SMYD2: variants seen among roughly 807,000 people sequenced by gnomAD.
SMYD2 encodes SET and MYND domain containing 2.
A neutral mutation model predicts 59.1 loss-of-function variants in SMYD2; 53 were observed. The observed-to-expected ratio is 0.90, with a 90% CI of 0.72 to 1.13. SMYD2 has a LOEUF of 1.13. SMYD2 is among the 50% of genes most tolerant of loss of function. The probability of loss-of-function intolerance (pLI) is 0.00; values close to 1 mark genes in which losing one functional copy is unlikely to be tolerated. For synonymous variants in SMYD2, 208 were observed against 198.8 expected, an observed-to-expected ratio of 1.05 and a Z score of -0.39; for missense variants, 494 against 544.7, an observed-to-expected ratio of 0.91 and a Z score of 0.93.
chr1:214,281,307 G>T lies in SMYD2; in HGVS notation c.53G>T (p.Gly18Val). 1 of 1,397,328 alleles carries T rather than the reference G, an allele frequency of 7.2e-7. No homozygotes were observed. Among genetic ancestry groups the T allele is most frequent in the Non-Finnish European group, 9.4e-7 (1 of 1,065,774 alleles). 86.6% of individuals were successfully genotyped at this position (1,397,328 alleles called of 1,614,324 possible). The change falls in exon 1 of 12, where the codon GGC (glycine) becomes GTC (valine). Residue 18 changes from glycine (G) to valine (V), a missense_variant. By Grantham distance (109) the Gly-to-Val change is moderately radical. Transcript: ENST00000366957. ...GAGCGCTTCTGCAGCCCGGGCAAAG[G>T]CCGGGGGCTGCGGGCTCTGCAGCCC... is the stretch of plus-strand genomic sequence containing the variant. Reference protein sequence around the residue: ...GLERFCSPGKGRGLRALQPFQ... With the variant: ...GLERFCSPGKVRGLRALQPFQ...
chr1:214,308,315 C>T (rs1318492601), intron 2 of SMYD2, among the ~76,000 whole-genome samples: 1 of 152,116 alleles, frequency 6.6e-6, no homozygotes, highest in East Asian at 1.9e-4. Context: ...GGTTTTTCAT[C>T]CTTTAGTACT....
intron 1 of SMYD2, among the ~76,000 whole-genome samples, chr1:214,297,884 T>G (rs910786868): frequency 6.6e-6 from 1 of 152,020 alleles, no homozygotes; most frequent in African/African-American, 2.4e-5. Context: ...AAATTCACAC[T>G]GCTGAAAGAA....
chr1:214,324,534 C>T (rs563069104), intron 5 of SMYD2, 107 bp from the exon 6 acceptor site: 1 of 1,009,860 alleles, frequency 9.9e-7, no homozygotes, highest in South Asian at 1.5e-5. Context: ...AACCACTACA[C>T]CAAAACATCT....
intron 7 of SMYD2, among the ~76,000 whole-genome samples, chr1:214,328,275 C>T (rs918861780): frequency 3.3e-5 from 5 of 152,198 alleles, no homozygotes; most frequent in Non-Finnish European, 7.3e-5. Flanking sequence ...ATCTGAACTT[C>T]AGGTCGCAGT....
chr1:214,308,918 CAG>C (rs992607441), intron 2 of SMYD2, among the ~76,000 whole-genome samples: 31 of 152,246 alleles, frequency 2.0e-4, no homozygotes, highest in African/African-American at 7.5e-4. Flanking sequence ...GTGGGAATGT[CAG>C]AGAAAGAGAA....
Position 214,312,870 on chromosome 1 carries a change from A to T in SMYD2, c.238-1892A>T, listed in dbSNP as rs1657019788. On this transcript the variant is annotated intron_variant, in intron 2 of 11. Coordinates refer to ENST00000366957, the MANE Select transcript of SMYD2 (RefSeq NM_020197.3). The surrounding 1 kb of genome is among the most constrained non-coding windows in gnomAD (Gnocchi z 4.1). The stretch of plus-strand genomic sequence containing the variant: ...GGACTGGCCTGATCCGAGTTTTGTC[A>T]ACAGAATCCCTCAGGCTGCTCTCTG... Among the ~76,000 whole-genome samples the T allele has an allele frequency of 6.6e-6, 1 of 152,202 alleles. No individual in the cohort carries two copies. Among genetic ancestry groups the T allele is most frequent in the Non-Finnish European group, 1.5e-5 (1 of 68,036 alleles).
In SMYD2 at chr1:214,336,764, C is replaced by G. The variant is rs759264764; in HGVS notation, c.1282C>G (p.Gln428Glu). The change falls in exon 12 of 12, where the codon CAG (glutamine) becomes GAG (glutamate). Residue 428 changes from glutamine to glutamate, a missense_variant. By Grantham distance (29) the Gln-to-Glu change is conservative. Transcript: ENST00000366957. ...KDHPYISEIKQEIESH is the reference protein window; with the variant it reads ...KDHPYISEIKEEIESH ...TCATCCATATATTTCTGAGATCAAA[C>G]AGGAAATTGAAAGCCACTGAAACTA... 1 of 1,613,500 alleles carries G rather than the reference C, an allele frequency of 6.2e-7. No homozygotes were observed. The highest frequency in any genetic ancestry group is 1.1e-5 in the South Asian group (1 of 90,980).
chr1:214,318,000 A>T, intron 3 of SMYD2, 79 bp from the exon 4 acceptor site: 3 of 1,245,344 alleles, frequency 2.4e-6, no homozygotes, highest in Admixed American at 3.6e-5. Flanking sequence ...CTTTATGTTG[A>T]TGTAAAAGTG....
intron 5 of SMYD2, among the ~76,000 whole-genome samples, chr1:214,319,386 C>G (rs1253368034): frequency 6.6e-6 from 1 of 152,106 alleles, no homozygotes; most frequent in East Asian, 1.9e-4. Context: ...TCACTCTAAC[C>G]AAGGCTGCAC....
intron 11 of SMYD2, among the ~76,000 whole-genome samples, chr1:214,335,956 T>C (rs914816991): frequency 2.6e-5 from 4 of 152,378 alleles, no homozygotes; most frequent in Admixed American, 2.0e-4. Context: ...AAAAATAGTT[T>C]AGCTACGTCT....
At chr1:214,281,452 CG>C (rs1553253514) in intron 1 of SMYD2, 25 bp downstream of exon 1, 5 of 1,353,212 alleles carry the variant, frequency 3.7e-6, no homozygotes, top group South Asian at 2.0e-5. Flanking sequence ...GCGGCGGCGG[CG>C]GGCGGGAGCC....
intron 1 of SMYD2, among the ~76,000 whole-genome samples, chr1:214,295,604 A>G (rs1259905876): frequency 6.6e-6 from 1 of 152,172 alleles, no homozygotes; most frequent in African/African-American, 2.4e-5. Flanking sequence ...CCTCCCCAAG[A>G]GGATGCGGGC....
chr1:214,328,639 T>C (rs1657300027), intron 7 of SMYD2, among the ~76,000 whole-genome samples: 1 of 152,208 alleles, frequency 6.6e-6, no homozygotes. Context: ...TGCCTGGGTA[T>C]TTGAAGTGTG....
chr1:214,305,365 G>T, intron 2 of SMYD2, 115 bp downstream of exon 2: 1 of 1,040,040 alleles, frequency 9.6e-7, no homozygotes, highest in Non-Finnish European at 1.5e-6. Context: ...ATAGGATGTG[G>T]CTGGATATCC....
chr1:214,304,582 A>AAAAAAAAAC (rs1656886913), intron 1 of SMYD2, among the ~76,000 whole-genome samples: 1 of 150,908 alleles, frequency 6.6e-6, no homozygotes, highest in African/African-American at 2.4e-5. Context: ...AAAAAAAAAA[A>AAAAAAAAAC]GCATCTATCT....
rs1446541904 is a variant in SMYD2, at chr1:214,334,190, C to T, written c.1113-10C>T. ...GACATGGTGGCCTGTTGTCTCTTCT[C>T]TTGTTCTAGTAAGCACTATCCTTTG... On this transcript the variant is annotated splice_polypyrimidine_tract_variant and intron_variant, in intron 10 of 11. Coordinates refer to ENST00000366957, the MANE Select transcript of SMYD2 (RefSeq NM_020197.3). 6.2e-7 allele frequency: 1 copy of T among 1,612,282 alleles called. No individual in the cohort carries two copies. The highest frequency in any genetic ancestry group is 1.1e-5 in the South Asian group (1 of 91,010).
chr1:214,284,849 C>A (rs1012198188), intron 1 of SMYD2, among the ~76,000 whole-genome samples: 1 of 152,156 alleles, frequency 6.6e-6, no homozygotes, highest in Admixed American at 6.5e-5. Flanking sequence ...TGATTTGTCT[C>A]AGAAGGAGAG....
At chr1:214,324,819 A>G in intron 6 of SMYD2, 111 bp downstream of exon 6, 1 of 929,508 alleles carries the variant, frequency 1.1e-6, no homozygotes, top group Non-Finnish European at 1.6e-6. Flanking sequence ...CATGAAACTC[A>G]AAGTGAATTA....
At position 214,304,558 on chromosome 1, in the gene SMYD2, C is replaced by CAA. The variant is rs56254326; in HGVS notation, c.174-606_174-605dup. Reference sequence around the variant, plus strand: ...TGGGTGACAGAGTGAGACCCTATCTCAAAAAAAAAAAAAAAAAAAAAAAAG... The same window carrying CAA: ...TGGGTGACAGAGTGAGACCCTATCTCAAAAAAAAAAAAAAAAAAAAAAAAAAG... On this transcript the variant is annotated intron_variant, in intron 1 of 11. Coordinates refer to ENST00000366957, the MANE Select transcript of SMYD2 (RefSeq NM_020197.3). 2.8e-3 allele frequency among the ~76,000 whole-genome samples: 135 copies of CAA among 47,772 alleles called. 6 individuals are homozygous for CAA. The highest frequency in any genetic ancestry group is 0.016 in the Middle Eastern group (1 of 64). The allele number at this position is 47,772 out of a possible 152,430, so 31.3% of individuals were successfully genotyped here. A position where few individuals can be genotyped will look rare whatever the true frequency, so the allele number is the denominator to read the frequency against.
Sources: gnomAD v4.1 joint callset for allele counts (sites outside exome capture counted in the v4.1 genomes callset) on GRCh38, gnomAD v4.1.1 for gene constraint, Gnocchi (gnomAD v3.1) non-coding constraint, MANE v1.5 for transcripts, NCBI Gene and HGNC (gene_info 2026-07-23, HGNC 2026-07-21) for gene names.